The following FAM53B variants were observed in gnomAD, a reference collection of about 807,000 sequenced individuals.
The protein encoded by FAM53B is family with sequence similarity 53 member B.
Under a neutral mutation model 32.7 loss-of-function variants are expected in FAM53B, and 12 were observed. The observed-to-expected ratio is 0.37, with a 90% CI of 0.24 to 0.59. The LOEUF (loss-of-function observed/expected upper bound fraction) is 0.59. Ranked by LOEUF, FAM53B falls within the 20% of genes least tolerant of loss-of-function variation. The pLI, the probability that FAM53B is intolerant of heterozygous loss-of-function variation, is 0.72. For synonymous variants in FAM53B, 234 were observed against 228.7 expected (o/e 1.02, Z -0.21); for missense variants, 477 against 577.7 (o/e 0.83, Z 1.79).
intron 1 of FAM53B, among the ~76,000 whole-genome samples, chr10:124,730,530 CTT>C (rs917274059): frequency 1.3e-5 from 2 of 152,232 alleles, no homozygotes; most frequent in Admixed American, 6.5e-5. Flanking sequence ...GGTCCAGTGT[CTT>C]TTCTTTCAGC....
chr10:124,653,476 G>A (rs181784761), intron 4 of FAM53B, among the ~76,000 whole-genome samples: 112 of 152,296 alleles, frequency 7.4e-4, no homozygotes, highest in Middle Eastern at 3.4e-3. Context: ...CTCACTCTCC[G>A]TGTTACACTT....
At position 124,743,255 on chromosome 10, in the gene FAM53B, C is replaced by T. The variant is rs182189338; in HGVS notation, c.-175+758G>A. 4.3e-3 allele frequency among the ~76,000 whole-genome samples: 660 copies of T among 152,334 alleles called. 4 individuals are homozygous for T. Among genetic ancestry groups the T allele is most frequent in the African/African-American group, 0.015 (619 of 41,576 alleles). On this transcript the variant is annotated intron_variant, in intron 1 of 4. Coordinates refer to ENST00000337318, the MANE Select transcript of FAM53B (RefSeq NM_014661.4). Reference sequence around the variant, plus strand: ...TCTTTCGTCTCTGCCCCAAGAGAAACCCTGAGCGGGGAACCTGACTCCCAC... The same window carrying T: ...TCTTTCGTCTCTGCCCCAAGAGAAATCCTGAGCGGGGAACCTGACTCCCAC...
At chr10:124,693,433 G>A (rs1050111661) in intron 3 of FAM53B, among the ~76,000 whole-genome samples, 1 of 148,696 alleles carries the variant, frequency 6.7e-6, no homozygotes, top group Middle Eastern at 3.5e-3. Flanking sequence ...TCACACCACT[G>A]CCCTCCAGCC....
intron 3 of FAM53B, among the ~76,000 whole-genome samples, chr10:124,687,324 A>G (rs960634576): frequency 3.9e-5 from 6 of 151,980 alleles, no homozygotes; most frequent in African/African-American, 1.2e-4. Flanking sequence ...ACAAACAACT[A>G]TAACTCTTTC....
rs889247250 is a variant in FAM53B, at chr10:124,620,926, CGGGGAGGT to C, written c.*2308_*2315del. On this transcript the variant is annotated 3_prime_UTR_variant, in exon 5 of 5. Transcript: ENST00000337318. ...CTTGCTGGTCGATGGGACCAGCTTG[CGGGGAGGT>C]GGGGAGGTGGCTGTGACTCAGCCAG... 4 of 152,156 alleles carry C rather than the reference CGGGGAGGT, an allele frequency of 2.6e-5. No individual in the cohort carries two copies. Among genetic ancestry groups the C allele is most frequent in the Admixed American group, 1.3e-4 (2 of 15,280 alleles). 9.4% of individuals were successfully genotyped at this position (152,156 alleles called of 1,614,324 possible). A position where few individuals can be genotyped will look rare whatever the true frequency, so the allele number is the denominator to read the frequency against.
chr10:124,728,536 G>A (rs968778586), intron 1 of FAM53B, among the ~76,000 whole-genome samples: 3 of 152,168 alleles, frequency 2.0e-5, no homozygotes, highest in African/African-American at 4.8e-5. Flanking sequence ...GATCCCTGAC[G>A]CCTCCAGACT....
At chr10:124,672,212 C>A (rs552911312) in intron 4 of FAM53B, among the ~76,000 whole-genome samples, 3 of 152,264 alleles carry the variant, frequency 2.0e-5, no homozygotes, top group Non-Finnish European at 4.4e-5. Flanking sequence ...CGGTCAGGCA[C>A]CAGCCGTGCT....
At chr10:124,626,780 C>T (rs1301758520) in intron 4 of FAM53B, among the ~76,000 whole-genome samples, 2 of 152,330 alleles carry the variant, frequency 1.3e-5, no homozygotes, top group South Asian at 2.1e-4. Context: ...TGCCTCACTG[C>T]GCCCTGGAAG....
At chr10:124,643,862 C>G (rs572319702) in intron 4 of FAM53B, among the ~76,000 whole-genome samples, 2 of 152,224 alleles carry the variant, frequency 1.3e-5, no homozygotes, top group African/African-American at 4.8e-5. Context: ...TTCTGACCAC[C>G]GCCCCATCCT....
intron 1 of FAM53B, among the ~76,000 whole-genome samples, chr10:124,708,485 A>G: frequency 6.6e-6 from 1 of 152,230 alleles, no homozygotes; most frequent in East Asian, 1.9e-4. Flanking sequence ...GACCTGATGC[A>G]CAGGTTCAAT....
intron 4 of FAM53B, among the ~76,000 whole-genome samples, chr10:124,670,958 T>C (rs1949704020): frequency 6.6e-6 from 1 of 152,030 alleles, no homozygotes; most frequent in Non-Finnish European, 1.5e-5. Flanking sequence ...GCCAGCACAC[T>C]CCAGGCAAGG....
At chr10:124,736,453 C>T (rs1382150575) in intron 1 of FAM53B, among the ~76,000 whole-genome samples, 7 of 152,392 alleles carry the variant, frequency 4.6e-5, no homozygotes, top group South Asian at 2.1e-4. Flanking sequence ...CTTCTCCTCA[C>T]CCAGATCATG....
intron 1 of FAM53B, chr10:124,707,936 A>G (rs1949972700): frequency 1.3e-5 from 2 of 152,126 alleles, no homozygotes; most frequent in Non-Finnish European, 2.9e-5. Flanking sequence ...CTCTCCGATA[A>G]CCCACCATCA....
At chr10:124,689,027 C>T (rs910630241) in intron 3 of FAM53B, among the ~76,000 whole-genome samples, 13 of 152,196 alleles carry the variant, frequency 8.5e-5, no homozygotes, top group African/African-American at 3.1e-4. Context: ...GATTAGCAAG[C>T]CTGCTGTCAG....
intron 2 of FAM53B, 76 bp from the exon 3 acceptor site, chr10:124,696,288 T>G (rs1949869729): frequency 8.0e-7 from 1 of 1,243,120 alleles, no homozygotes. Flanking sequence ...TGATCCCTTC[T>G]AAAGTCACAA....
intron 4 of FAM53B, among the ~76,000 whole-genome samples, chr10:124,648,294 A>G (rs920617691): frequency 6.6e-6 from 1 of 152,258 alleles, no homozygotes; most frequent in African/African-American, 2.4e-5. Context: ...GGAAACCTCC[A>G]GGATGGAGAG....
In FAM53B at chr10:124,620,374, C is replaced by G. The variant is rs1271967980; in HGVS notation, c.*2868G>C. On this transcript the variant is annotated 3_prime_UTR_variant, in exon 5 of 5. Transcript: ENST00000337318. The stretch of plus-strand genomic sequence containing the variant: ...CACTAAGCCCCCCCCACCGCCCCGG[C>G]TTTCCTGCAGGCTTAGCCCGCGCTT... 1 of 146,304 alleles carries G rather than the reference C, an allele frequency of 6.8e-6. No individual in the cohort carries two copies. The highest frequency in any genetic ancestry group is 1.5e-5 in the Non-Finnish European group (1 of 66,180). 9.1% of individuals were successfully genotyped at this position (146,304 alleles called of 1,614,324 possible).
At chr10:124,624,430 G>A (rs1053019971) in intron 4 of FAM53B, among the ~76,000 whole-genome samples, 3 of 152,206 alleles carry the variant, frequency 2.0e-5, no homozygotes, top group African/African-American at 7.2e-5. Flanking sequence ...CTGAGGAGGG[G>A]CCAGGCTCCA....
intron 3 of FAM53B, among the ~76,000 whole-genome samples, chr10:124,683,261 C>T (rs1949783906): frequency 1.3e-5 from 2 of 152,116 alleles, no homozygotes; most frequent in Admixed American, 1.3e-4. Flanking sequence ...AATCAGGCAC[C>T]GTGCTGGGAA....
Sources: gnomAD v4.1 joint callset for allele counts (sites outside exome capture counted in the v4.1 genomes callset) on GRCh38, gnomAD v4.1.1 for gene constraint, MANE v1.5 for transcripts, NCBI Gene and HGNC (gene_info 2026-07-23, HGNC 2026-07-21) for gene names.